The following PDE11A variants were observed in gnomAD, a reference collection of about 807,000 sequenced individuals.
PDE11A encodes dual 3',5'-cyclic-AMP and -GMP phosphodiesterase 11A.
A neutral mutation model predicts 100.5 loss-of-function variants in PDE11A; 100 were observed. The observed-to-expected ratio is 1.00, with a 90% confidence interval of 0.85 to 1.18. PDE11A has a LOEUF of 1.18. PDE11A is among the 50% of genes most tolerant of loss of function. PDE11A has a pLI of 0.00. For missense variants in PDE11A, 1,141 were observed against 1,152.6 expected (o/e 0.99, Z 0.15); for synonymous variants, 381 against 420.8 (o/e 0.91, Z 1.16).
intron 9 of PDE11A, among the ~76,000 whole-genome samples, chr2:177,794,266 C>G (rs1202851215): frequency 6.6e-6 from 1 of 152,084 alleles, no homozygotes; most frequent in Non-Finnish European, 1.5e-5. Flanking sequence ...GTGTGGATAT[C>G]AGGATGAGAG....
intron 2 of PDE11A, among the ~76,000 whole-genome samples, chr2:177,906,927 A>AGTATAGTCATTGTTTTATCCCCGTTAT (rs1442427705): frequency 6.6e-6 from 1 of 152,210 alleles, no homozygotes; most frequent in African/African-American, 2.4e-5. Flanking sequence ...CAATGACTAT[A>AGTATAGTCATTGTTTTATCCCCGTTAT]ACGGGGATAA....
intron 2 of PDE11A, 70 bp from the exon 3 acceptor site, chr2:177,905,257 C>T: frequency 1.2e-6 from 1 of 825,748 alleles, no homozygotes; most frequent in Non-Finnish European, 2.1e-6. Context: ...GACTAAATTG[C>T]ACACTTCTTC....
intron 2 of PDE11A, chr2:177,998,131 AC>A: frequency 8.5e-7 from 1 of 1,173,652 alleles, no homozygotes; most frequent in Non-Finnish European, 1.3e-6. Context: ...CACCAACTTT[AC>A]AAGTTGCTGT....
Position 177,972,509 on chromosome 2 carries a change from A to C in PDE11A, c.1071+41793T>G, listed in dbSNP as rs564385410. Among the ~76,000 whole-genome samples the C allele has an allele frequency of 6.2e-4, 95 of 152,334 alleles. 1 individual carries two copies. In the Middle Eastern group the frequency reaches 0.01, roughly 16 times the overall value. ...ACATCAGGTGTAAAATCCTCCCTCA[A>C]GATGTTTATCCTTCAAGGAAAGCAG... is the stretch of plus-strand genomic sequence containing the variant. On this transcript the variant is annotated intron_variant, in intron 2 of 19. Coordinates refer to ENST00000286063, the MANE Select transcript of PDE11A (RefSeq NM_016953.4).
chr2:177,753,219 A>AG (rs2082047963), intron 10 of PDE11A, among the ~76,000 whole-genome samples: 1 of 152,186 alleles, frequency 6.6e-6, no homozygotes, highest in African/African-American at 2.4e-5. Context: ...AAGTGCTGAG[A>AG]GGGCAGATCC....
At chr2:177,804,838 C>G (rs2082846108) in intron 9 of PDE11A, among the ~76,000 whole-genome samples, 1 of 151,832 alleles carries the variant, frequency 6.6e-6, no homozygotes, top group Admixed American at 6.6e-5. Flanking sequence ...ACAGAAAAGG[C>G]AAATAACATA....
At position 177,627,969 on chromosome 2, in the gene PDE11A, C is replaced by T. The variant is rs1268803223; in HGVS notation, c.*1438G>A. On this transcript the variant is annotated 3_prime_UTR_variant, in exon 20 of 20. Transcript: ENST00000286063. ...CTAGGCCAGGGATTTTCAAACTCTTCAGAGTCCCTGTGGACCCCCATGTAC... is the reference window on the plus strand; with the variant it reads ...CTAGGCCAGGGATTTTCAAACTCTTTAGAGTCCCTGTGGACCCCCATGTAC... 1.3e-5 allele frequency: 2 copies of T among 152,196 alleles called. No homozygotes were observed. Among genetic ancestry groups the T allele is most frequent in the Non-Finnish European group, 2.9e-5 (2 of 68,038 alleles). The allele number at this position is 152,196 out of a possible 1,614,324, so 9.4% of individuals were successfully genotyped here. A position where few individuals can be genotyped will look rare whatever the true frequency, so the allele number is the denominator to read the frequency against.
intron 2 of PDE11A, among the ~76,000 whole-genome samples, chr2:177,945,815 C>T (rs1340761357): frequency 0.028 from 2,664 of 96,486 alleles, no homozygotes; most frequent in Non-Finnish European, 0.039. Flanking sequence ...CCGTGCCATC[C>T]GGGAGGGAGG....
Position 178,072,517 on chromosome 2 carries a change from A to G in PDE11A, c.-80T>C, listed in dbSNP as rs2087149975. ...CCGAGGCCTCTAGCTGTTCCTGCAC[A>G]TGTTCACCCCCACCAGTATTCCCAG... On this transcript the variant is annotated 5_prime_UTR_variant, in exon 1 of 20. It removes an upstream start codon present in the reference 5' UTR. Coordinates refer to ENST00000286063, the MANE Select transcript of PDE11A (RefSeq NM_016953.4). The G allele has an allele frequency of 6.3e-7, 1 of 1,586,844 alleles. No individual in the cohort carries two copies. The highest frequency in any genetic ancestry group is 1.7e-5 in the Admixed American group (1 of 57,224).
intron 4 of PDE11A, among the ~76,000 whole-genome samples, chr2:177,882,121 C>T (rs1048522394): frequency 8.5e-5 from 13 of 152,308 alleles, no homozygotes; most frequent in Non-Finnish European, 1.8e-4. Flanking sequence ...TCCAATTAAG[C>T]CTGTTGTCCA....
chr2:177,925,591 G>T (rs567183981), intron 2 of PDE11A, among the ~76,000 whole-genome samples: 4 of 152,082 alleles, frequency 2.6e-5, no homozygotes, highest in African/African-American at 9.6e-5. Flanking sequence ...TTTTTTTCTT[G>T]TAAATTTGTT....
intron 2 of PDE11A, among the ~76,000 whole-genome samples, chr2:178,090,200 A>G (rs2087404531): frequency 6.6e-6 from 1 of 152,222 alleles, no homozygotes; most frequent in South Asian, 2.1e-4. Flanking sequence ...CACCACATCC[A>G]AAAGACCCTT....
Position 177,855,849 on chromosome 2 carries a change from T to C in PDE11A, c.1368-15466A>G, listed in dbSNP as rs372771842. Among the ~76,000 whole-genome samples, 8 of 151,038 alleles carry C rather than the reference T, an allele frequency of 5.3e-5. No homozygotes were observed. In the East Asian group the frequency reaches 7.8e-4, roughly 15 times the overall value. On this transcript the variant is annotated intron_variant, in intron 5 of 19. Transcript: ENST00000286063. ...TGAGATAAGCTTGGGAATGAGATGC[T>C]CCCAGAAGGCTTTGAAAAGCTTGTA...
chr2:177,936,224 T>G (rs1022379277), intron 2 of PDE11A, among the ~76,000 whole-genome samples: 4 of 152,194 alleles, frequency 2.6e-5, no homozygotes, highest in Non-Finnish European at 5.9e-5. Flanking sequence ...TCTTTTACAT[T>G]TTTTGTTCTT....
intron 1 of PDE11A, among the ~76,000 whole-genome samples, chr2:178,050,280 C>A (rs2105856478): frequency 6.6e-6 from 1 of 152,332 alleles, no homozygotes; most frequent in East Asian, 1.9e-4. Flanking sequence ...AGACCTGCAG[C>A]AGAGGGTCCT....
intron 10 of PDE11A, among the ~76,000 whole-genome samples, chr2:177,751,128 GAA>G: frequency 1.4e-5 from 2 of 144,334 alleles, no homozygotes; most frequent in East Asian, 2.0e-4. Context: ...TAGTGAGTAA[GAA>G]AAAAAAAAAA....
intron 5 of PDE11A, among the ~76,000 whole-genome samples, chr2:177,870,034 C>A (rs999667695): frequency 2.0e-5 from 3 of 152,164 alleles, no homozygotes; most frequent in African/African-American, 7.2e-5. Context: ...TTAGTTATAT[C>A]AGCCTCTTGT....
chr2:177,919,552 C>CA (rs1188011980), intron 2 of PDE11A, among the ~76,000 whole-genome samples: 3 of 151,884 alleles, frequency 2.0e-5, no homozygotes, highest in Non-Finnish European at 4.4e-5. Flanking sequence ...ACTTTTAAAG[C>CA]AAAAAAATGA....
At chr2:177,810,347 C>A (rs80271754) in intron 9 of PDE11A, among the ~76,000 whole-genome samples, 9,393 of 152,216 alleles carry the variant, frequency 0.062, 347 homozygotes, top group Middle Eastern at 0.13. Flanking sequence ...AAGACATGAT[C>A]ACACACTTCA....
Sources: allele counts gnomAD v4.1 joint callset (sites outside exome capture counted in the v4.1 genomes callset), GRCh38; gene constraint gnomAD v4.1.1; transcripts MANE v1.5; gene names NCBI Gene and HGNC (gene_info 2026-07-23, HGNC 2026-07-21).